Variants in NEGR1 observed in about 807,000 individuals in gnomAD.
The protein encoded by NEGR1 is neuronal growth regulator 1.
Under a neutral mutation model 40.9 loss-of-function variants are expected in NEGR1, and 10 were observed. That is an observed-to-expected ratio of 0.24 (90% confidence interval 0.15 to 0.42). The LOEUF (loss-of-function observed/expected upper bound fraction) is 0.42. Among genes scored for constraint, NEGR1 ranks in the 10% least tolerant of loss-of-function variants. NEGR1 has a pLI of 1.00. For synonymous variants in NEGR1, 185 were observed against 166.8 expected, an observed-to-expected ratio of 1.11 and a Z score of -0.84; for missense variants, 352 against 438.9, an observed-to-expected ratio of 0.80 and a Z score of 1.77.
chr1:71,441,075 C>T (rs1474236681), intron 6 of NEGR1, among the ~76,000 whole-genome samples: 6 of 152,260 alleles, frequency 3.9e-5, no homozygotes, highest in South Asian at 4.1e-4. Context: ...TTTCAAGGCA[C>T]GTCCAGCTGA....
chr1:71,844,218 C>T (rs776706198), intron 2 of NEGR1, among the ~76,000 whole-genome samples: 9 of 152,228 alleles, frequency 5.9e-5, no homozygotes, highest in Non-Finnish European at 1.2e-4. Flanking sequence ...TGGATGTAAC[C>T]ATCCCTTAAC....
chr1:72,002,319 A>T (rs1295888124), intron 1 of NEGR1, among the ~76,000 whole-genome samples: 1 of 152,172 alleles, frequency 6.6e-6, no homozygotes, highest in Admixed American at 6.5e-5. Flanking sequence ...TATAAAATAA[A>T]AAAAATTCAC....
intron 2 of NEGR1, among the ~76,000 whole-genome samples, chr1:71,825,405 C>T (rs1658583392): frequency 3.3e-5 from 5 of 151,892 alleles, no homozygotes; most frequent in Non-Finnish European, 7.4e-5. Flanking sequence ...CACTTCTACA[C>T]ATTTTCATTC....
At chr1:72,274,381 C>T (rs1402225816) in intron 1 of NEGR1, among the ~76,000 whole-genome samples, 1 of 152,034 alleles carries the variant, frequency 6.6e-6, no homozygotes, top group African/African-American at 2.4e-5. Flanking sequence ...GATGCCATCC[C>T]AAACCGTGGA....
At chr1:71,745,721 T>C (rs1449504951) in intron 3 of NEGR1, among the ~76,000 whole-genome samples, 1 of 152,138 alleles carries the variant, frequency 6.6e-6, no homozygotes, top group African/African-American at 2.4e-5. Flanking sequence ...CTCTCACCAT[T>C]GCAGTGAGCC....
intron 2 of NEGR1, among the ~76,000 whole-genome samples, chr1:71,906,021 T>A (rs1408726664): frequency 6.6e-6 from 1 of 152,036 alleles, no homozygotes; most frequent in Non-Finnish European, 1.5e-5. Flanking sequence ...CCATATTATA[T>A]CAAAATAAGG....
In NEGR1 at chr1:71,830,282, A is replaced by G. The variant is rs528329712; in HGVS notation, c.410-53985T>C. ...CCTGAATATCTACTTGGTGTTCAGC[A>G]TTGCTCTGGACTAAGTTGAAAAAGT... is the stretch of plus-strand genomic sequence containing the variant. On this transcript the variant is annotated intron_variant, in intron 2 of 6. Coordinates refer to ENST00000357731, the MANE Select transcript of NEGR1 (RefSeq NM_173808.3). Among the ~76,000 whole-genome samples, 5 of 152,012 alleles carry G rather than the reference A, an allele frequency of 3.3e-5. No individual in the cohort carries two copies. In the South Asian group the frequency reaches 1.0e-3, roughly 31 times the overall value.
intron 1 of NEGR1, among the ~76,000 whole-genome samples, chr1:72,194,037 C>A (rs1283566475): frequency 1.3e-5 from 2 of 151,642 alleles, no homozygotes; most frequent in Non-Finnish European, 2.9e-5. Context: ...TTTAAAAATA[C>A]TGAAGGTAAA....
At chr1:71,451,157 G>A (rs1646625136) in intron 6 of NEGR1, among the ~76,000 whole-genome samples, 1 of 152,114 alleles carries the variant, frequency 6.6e-6, no homozygotes, top group South Asian at 2.1e-4. Flanking sequence ...CCCTTAAGTA[G>A]GGCAGACAGG....
chr1:71,872,293 T>A (rs1159339353), intron 2 of NEGR1, among the ~76,000 whole-genome samples: 2 of 152,178 alleles, frequency 1.3e-5, no homozygotes, highest in African/African-American at 4.8e-5. Flanking sequence ...TTTGCTGAAC[T>A]AACTTCCAGT....
chr1:71,507,570 C>A (rs1336051551), intron 6 of NEGR1, among the ~76,000 whole-genome samples: 1 of 152,146 alleles, frequency 6.6e-6, no homozygotes, highest in Non-Finnish European at 1.5e-5. Flanking sequence ...ACCTCCCAAA[C>A]TAAGACTATT....
At chr1:72,187,194 G>A (rs894882241) in intron 1 of NEGR1, among the ~76,000 whole-genome samples, 1 of 151,290 alleles carries the variant, frequency 6.6e-6, no homozygotes, top group African/African-American at 2.4e-5. Flanking sequence ...TTCTTAGCAA[G>A]TTACCAGTTG....
chr1:71,660,848 C>G (rs982498135), intron 4 of NEGR1, among the ~76,000 whole-genome samples: 2 of 152,162 alleles, frequency 1.3e-5, no homozygotes, highest in African/African-American at 2.4e-5. Flanking sequence ...TATCCCTCTC[C>G]TAGCCCCCTA....
intron 4 of NEGR1, among the ~76,000 whole-genome samples, chr1:71,692,124 T>C (rs1653304396): frequency 6.6e-6 from 1 of 151,726 alleles, no homozygotes; most frequent in African/African-American, 2.4e-5. Context: ...CTGTAGCACC[T>C]TGATTCTCTT....
chr1:71,533,679 T>C (rs1016704955), intron 6 of NEGR1, among the ~76,000 whole-genome samples: 1 of 151,704 alleles, frequency 6.6e-6, no homozygotes, highest in Non-Finnish European at 1.5e-5. Flanking sequence ...AATTCTATGG[T>C]ATTTTAAACA....
intron 1 of NEGR1, among the ~76,000 whole-genome samples, chr1:71,965,137 A>C (rs536443365): frequency 6.6e-6 from 1 of 152,252 alleles, no homozygotes; most frequent in South Asian, 2.1e-4. Context: ...TTACTTTGCA[A>C]TGTTCTAGCC....
intron 2 of NEGR1, among the ~76,000 whole-genome samples, chr1:71,812,417 A>T (rs475295): frequency 0.19 from 28,909 of 151,994 alleles, 4,243 homozygotes; most frequent in African/African-American, 0.42. Context: ...GTACCCAGTA[A>T]TGGGATTGCT....
At chr1:71,999,877 G>A (rs913327566) in intron 1 of NEGR1, among the ~76,000 whole-genome samples, 13 of 150,242 alleles carry the variant, frequency 8.7e-5, no homozygotes, top group East Asian at 3.9e-4. Context: ...ATTTTCCTTC[G>A]TTTTAATTGG....
intron 1 of NEGR1, among the ~76,000 whole-genome samples, chr1:71,997,939 G>A (rs1269135862): frequency 6.6e-6 from 1 of 151,904 alleles, no homozygotes; most frequent in African/African-American, 2.4e-5. Context: ...AGTCATACCA[G>A]GTAAAATTAA....
Sources: gnomAD v4.1 joint callset for allele counts (sites outside exome capture counted in the v4.1 genomes callset) on GRCh38, gnomAD v4.1.1 for gene constraint, MANE v1.5 for transcripts, NCBI Gene and HGNC (gene_info 2026-07-23, HGNC 2026-07-21) for gene names.